CTNNA3: variants seen among roughly 807,000 people sequenced by gnomAD.
The protein encoded by CTNNA3 is catenin alpha 3.
In CTNNA3, 76 loss-of-function variants were observed where a neutral mutation model predicts 95.7. That is an observed-to-expected ratio of 0.79 (90% confidence interval 0.66 to 0.96). The LOEUF (loss-of-function observed/expected upper bound fraction) is 0.96. CTNNA3 is among the 40% of genes least tolerant of loss of function. The pLI is 0.00. For synonymous variants in CTNNA3, 431 were observed against 374.4 expected, an observed-to-expected ratio of 1.15 and a Z score of -1.74; for missense variants, 1,191 against 1,089.8, an observed-to-expected ratio of 1.09 and a Z score of -1.31.
At chr10:66,666,960 T>C (rs1054384159) in intron 9 of CTNNA3, among the ~76,000 whole-genome samples, 1 of 152,120 alleles carries the variant, frequency 6.6e-6, no homozygotes, top group Non-Finnish European at 1.5e-5. Flanking sequence ...GATAATAGTT[T>C]TTTTTAAAAA....
In CTNNA3 at chr10:67,511,626, T is replaced by G. The variant is rs530926937; in HGVS notation, c.579+10216A>C. The stretch of plus-strand genomic sequence containing the variant: ...ATTTTATTGAGGATTTTCTCATCGA[T>G]GTTTATCAGGGATATTGGTCTAAAA... On this transcript the variant is annotated intron_variant, in intron 5 of 17. Transcript: ENST00000433211. 1.4e-4 allele frequency among the ~76,000 whole-genome samples: 21 copies of G among 152,358 alleles called. No individual in the cohort carries two copies. In the South Asian group the frequency reaches 4.1e-3, roughly 30 times the overall value.
chr10:67,574,073 T>C (rs1842061496), intron 3 of CTNNA3, among the ~76,000 whole-genome samples: 1 of 152,132 alleles, frequency 6.6e-6, no homozygotes, highest in South Asian at 2.1e-4. Context: ...AATATGCATA[T>C]CATAAAACAT....
chr10:66,346,204 T>G (rs117882257), intron 12 of CTNNA3, among the ~76,000 whole-genome samples: 6,549 of 101,548 alleles, frequency 0.064, 233 homozygotes, highest in Admixed American at 0.083. Flanking sequence ...AGTAAGTATG[T>G]GTGTGTGTAT....
intron 7 of CTNNA3, among the ~76,000 whole-genome samples, chr10:67,017,733 G>A (rs1054736693): frequency 1.3e-5 from 2 of 151,566 alleles, no homozygotes; most frequent in African/African-American, 4.9e-5. Flanking sequence ...ATCTGTGTGT[G>A]TGTGTGTGTG....
At chr10:66,060,586 C>T (rs545490871) in intron 15 of CTNNA3, among the ~76,000 whole-genome samples, 1 of 152,074 alleles carries the variant, frequency 6.6e-6, no homozygotes, top group South Asian at 2.1e-4. Flanking sequence ...TTCAAACCAG[C>T]AACAGGGAAA....
chr10:66,510,150 G>C (rs1564500351), intron 11 of CTNNA3, among the ~76,000 whole-genome samples: 1 of 151,584 alleles, frequency 6.6e-6, no homozygotes, highest in Non-Finnish European at 1.5e-5. Context: ...TTTTTTTGTA[G>C]CTACTGCAAG....
chr10:66,493,904 T>A (rs1454331532), intron 11 of CTNNA3, among the ~76,000 whole-genome samples: 3 of 80,670 alleles, frequency 3.7e-5, no homozygotes, highest in African/African-American at 2.8e-4. Flanking sequence ...TGCGCCGGCC[T>A]TTTTTTTTTT....
intron 14 of CTNNA3, among the ~76,000 whole-genome samples, chr10:66,074,236 T>C: frequency 6.6e-6 from 1 of 151,790 alleles, no homozygotes; most frequent in East Asian, 1.9e-4. Context: ...TATATATATA[T>C]ATATTTCTAT....
At chr10:66,639,584 C>T (rs543833535) in intron 9 of CTNNA3, among the ~76,000 whole-genome samples, 1 of 152,126 alleles carries the variant, frequency 6.6e-6, no homozygotes, top group African/African-American at 2.4e-5. Flanking sequence ...AGTGGAAACA[C>T]ATCACATATT....
intron 17 of CTNNA3, among the ~76,000 whole-genome samples, chr10:65,936,148 C>G (rs193193428): frequency 6.6e-6 from 1 of 152,218 alleles, no homozygotes; most frequent in Middle Eastern, 3.4e-3. Context: ...AGGGAGTTTA[C>G]AATTGGACTT....
intron 7 of CTNNA3, among the ~76,000 whole-genome samples, chr10:66,853,639 G>A (rs559960886): frequency 2.6e-5 from 4 of 152,128 alleles, no homozygotes; most frequent in South Asian, 2.1e-4. Context: ...TAATAAGTAC[G>A]AAGTGGTGAT....
At chr10:67,579,225 C>T (rs112195830) in intron 3 of CTNNA3, among the ~76,000 whole-genome samples, 6 of 106,616 alleles carry the variant, frequency 5.6e-5, no homozygotes, top group African/African-American at 2.6e-4. Context: ...CATAACAGGC[C>T]CCAGTGTGTG....
chr10:66,752,841 GAC>G (rs141354953), intron 9 of CTNNA3, among the ~76,000 whole-genome samples: 8 of 151,352 alleles, frequency 5.3e-5, no homozygotes, highest in Middle Eastern at 3.4e-3. Context: ...TCCTAAGGAA[GAC>G]ACACACACAC....
intron 7 of CTNNA3, chr10:67,176,831 A>G (rs1425173872): frequency 4.7e-6 from 2 of 429,904 alleles, no homozygotes; most frequent in South Asian, 1.7e-5. Context: ...AGATGGAGGC[A>G]GAGGGCCATG....
At chr10:66,945,588 A>G (rs1029014731) in intron 7 of CTNNA3, among the ~76,000 whole-genome samples, 7 of 152,194 alleles carry the variant, frequency 4.6e-5, no homozygotes, top group African/African-American at 1.7e-4. Flanking sequence ...TCACTGGAGT[A>G]GCACTTTTCA....
chr10:67,101,162 A>T (rs1858314259), intron 7 of CTNNA3, among the ~76,000 whole-genome samples: 1 of 151,694 alleles, frequency 6.6e-6, no homozygotes, highest in South Asian at 2.1e-4. Flanking sequence ...TGCTCCCAAG[A>T]TGTGGATGCA....
intron 14 of CTNNA3, among the ~76,000 whole-genome samples, chr10:66,086,053 A>G (rs530035821): frequency 3.3e-5 from 5 of 152,130 alleles, no homozygotes; most frequent in Admixed American, 2.0e-4. Context: ...AATAAACAAA[A>G]CATAATTCTT....
intron 3 of CTNNA3, among the ~76,000 whole-genome samples, chr10:67,560,495 C>T (rs1276122680): frequency 2.0e-5 from 3 of 152,140 alleles, no homozygotes; most frequent in East Asian, 3.8e-4. Context: ...AAGCACTAAA[C>T]ATGGAAAGGA....
At chr10:67,620,799 C>T (rs542591450) in intron 2 of CTNNA3, among the ~76,000 whole-genome samples, 1 of 151,482 alleles carries the variant, frequency 6.6e-6, no homozygotes, top group Non-Finnish European at 1.5e-5. Context: ...CAAACTGTTT[C>T]CTAAAAGAAA....
Sources: gnomAD v4.1 joint callset for allele counts (sites outside exome capture counted in the v4.1 genomes callset) on GRCh38, gnomAD v4.1.1 for gene constraint, MANE v1.5 for transcripts, NCBI Gene and HGNC (gene_info 2026-07-23, HGNC 2026-07-21) for gene names.